The following TANC2 variants were observed in gnomAD, a reference collection of about 807,000 sequenced individuals.
TANC2 encodes the protein protein TANC2.
In TANC2, 26 loss-of-function variants were observed where a neutral mutation model predicts 210.5. That is an observed-to-expected ratio of 0.12 (90% CI 0.09 to 0.17). TANC2 has a LOEUF of 0.17. Among genes scored for constraint, TANC2 ranks in the 10% least tolerant of loss-of-function variants. TANC2 has a pLI of 1.00. For missense variants in TANC2, 2,129 were observed against 2,608.9 expected (o/e 0.82, Z 4.01); for synonymous variants, 931 against 967.1 (o/e 0.96, Z 0.69).
chr17:63,162,868 T>C (rs1305755834), intron 5 of TANC2, among the ~76,000 whole-genome samples: 1 of 152,034 alleles, frequency 6.6e-6, no homozygotes, highest in Non-Finnish European at 1.5e-5. Flanking sequence ...GTAGGATTGC[T>C]GGGCAGTACT....
At chr17:63,336,326 C>G (rs965755013) in intron 11 of TANC2, among the ~76,000 whole-genome samples, 6 of 152,140 alleles carry the variant, frequency 3.9e-5, no homozygotes, top group African/African-American at 1.2e-4. Context: ...TATTTCCAAA[C>G]AAATTTCAGA....
chr17:63,387,798 C>T (rs1322328310), intron 15 of TANC2, among the ~76,000 whole-genome samples: 1 of 152,162 alleles, frequency 6.6e-6, no homozygotes, highest in African/African-American at 2.4e-5. Context: ...TAGTACATGT[C>T]GTGGGACCTG....
intron 2 of TANC2, among the ~76,000 whole-genome samples, chr17:63,013,653 T>C (rs921555431): frequency 6.6e-6 from 1 of 151,634 alleles, no homozygotes; most frequent in African/African-American, 2.4e-5. Flanking sequence ...TCTCAGCTAC[T>C]TGGGAAGCCA....
chr17:63,289,030 CTTGG>C (rs1204832263), intron 9 of TANC2, among the ~76,000 whole-genome samples: 1 of 152,108 alleles, frequency 6.6e-6, no homozygotes, highest in African/African-American at 2.4e-5. Flanking sequence ...TTCTTGCTTG[CTTGG>C]TTTCTGAGAA....
chr17:63,197,645 G>C (rs1333814804), intron 6 of TANC2: 3 of 152,172 alleles, frequency 2.0e-5, no homozygotes, highest in Admixed American at 1.3e-4. Context: ...TCTTTCAGTA[G>C]TTTCCAAGGT....
chr17:63,213,945 T>G (rs1446498427), intron 7 of TANC2, among the ~76,000 whole-genome samples: 1 of 152,108 alleles, frequency 6.6e-6, no homozygotes, highest in Non-Finnish European at 1.5e-5. Context: ...AAGACCTTTT[T>G]AACAGAGTAC....
At chr17:63,359,612 T>C (rs1270511660) in intron 14 of TANC2, among the ~76,000 whole-genome samples, 1 of 152,174 alleles carries the variant, frequency 6.6e-6, no homozygotes, top group Non-Finnish European at 1.5e-5. Context: ...CCTCCCAAAG[T>C]GCTAGGATTA....
Position 63,178,029 on chromosome 17 carries a change from G to A in TANC2, c.434-15962G>A, listed in dbSNP as rs149120208. 4.4e-3 allele frequency among the ~76,000 whole-genome samples: 667 copies of A among 152,180 alleles called. 6 individuals are homozygous for A. Among genetic ancestry groups the A allele is most frequent in the African/African-American group, 0.014 (570 of 41,532 alleles). On this transcript the variant is annotated intron_variant, in intron 5 of 27. Coordinates refer to ENST00000689528, the Ensembl canonical transcript of TANC2. ...AGGGCACTAATAAATATGGAGCAGC[G>A]CCTTAAAACCAACTGCCCTGGGCCA...
chr17:63,394,610 G>A (rs991442037), intron 17 of TANC2, among the ~76,000 whole-genome samples: 11 of 152,196 alleles, frequency 7.2e-5, no homozygotes, highest in Non-Finnish European at 1.5e-5. Context: ...CCGCCTTAGA[G>A]TTTAAACTTC....
At chr17:63,023,380 A>AT (rs1183179345) in intron 2 of TANC2, among the ~76,000 whole-genome samples, 1 of 152,058 alleles carries the variant, frequency 6.6e-6, no homozygotes, top group Non-Finnish European at 1.5e-5. Flanking sequence ...GTATGTGTGT[A>AT]TTTTTTTAAG....
At chr17:63,281,550 A>G (rs938694038) in intron 9 of TANC2, among the ~76,000 whole-genome samples, 3 of 147,544 alleles carry the variant, frequency 2.0e-5, no homozygotes, top group Admixed American at 6.7e-5. Flanking sequence ...AACTTGAACA[A>G]AAATCAGCAT....
At chr17:63,388,819 A>G in intron 16 of TANC2, 62 bp downstream of exon 16, 1 of 1,290,312 alleles carries the variant, frequency 7.8e-7, no homozygotes, top group Non-Finnish European at 1.0e-6. Context: ...TAAAACTAGA[A>G]GGACATTAAG....
At chr17:63,050,200 C>T (rs2035529443) in intron 2 of TANC2, among the ~76,000 whole-genome samples, 1 of 151,724 alleles carries the variant, frequency 6.6e-6, no homozygotes, top group East Asian at 1.9e-4. Flanking sequence ...GGGCCTTAAG[C>T]ATAACCTCCA....
intron 3 of TANC2, among the ~76,000 whole-genome samples, chr17:63,074,690 T>C (rs2036513410): frequency 6.6e-6 from 1 of 152,184 alleles, no homozygotes; most frequent in Non-Finnish European, 1.5e-5. Flanking sequence ...GTGATTTTTA[T>C]GCTTTGTTCA....
chr17:63,360,512 T>TATAC lies in TANC2; in HGVS notation c.2582+5134_2582+5137dup, dbSNP rs532208883. 9.5e-4 allele frequency among the ~76,000 whole-genome samples: 145 copies of TATAC among 152,302 alleles called. 1 individual carries two copies. The Middle Eastern group carries it at 0.01, about 11-fold the overall frequency. ...TTTTAATTTTTGTGGGTACATGGTA[T>TATAC]ATACATACATACATATATATATATA... On this transcript the variant is annotated intron_variant, in intron 14 of 27. Transcript: ENST00000689528.
At chr17:63,247,581 G>C (rs1351110436) in intron 8 of TANC2, among the ~76,000 whole-genome samples, 1 of 151,324 alleles carries the variant, frequency 6.6e-6, no homozygotes, top group Non-Finnish European at 1.5e-5. Context: ...CCTTAATTGT[G>C]AATGATTTTT....
chr17:63,075,005 A>G (rs1048875471), intron 3 of TANC2, among the ~76,000 whole-genome samples: 2 of 152,146 alleles, frequency 1.3e-5, no homozygotes, highest in Non-Finnish European at 2.9e-5. Flanking sequence ...GAGCTGTACT[A>G]TTTTTATAAA....
At chr17:63,409,403 C>T (rs1355337357) in intron 21 of TANC2, among the ~76,000 whole-genome samples, 1 of 152,146 alleles carries the variant, frequency 6.6e-6, no homozygotes, top group African/African-American at 2.4e-5. Flanking sequence ...CCAGGCTGGT[C>T]TCAGATTTCT....
intron 8 of TANC2, among the ~76,000 whole-genome samples, chr17:63,249,980 C>T (rs2043013169): frequency 6.6e-6 from 1 of 152,146 alleles, no homozygotes; most frequent in Non-Finnish European, 1.5e-5. Flanking sequence ...TAGATTTCTT[C>T]TGCCCACTTG....
Sources: allele counts gnomAD v4.1 joint callset (sites outside exome capture counted in the v4.1 genomes callset), GRCh38; gene constraint gnomAD v4.1.1; transcripts MANE v1.5; gene names NCBI Gene and HGNC (gene_info 2026-07-23, HGNC 2026-07-21).